COX10: variants seen among roughly 807,000 people sequenced by gnomAD.
COX10 encodes cytochrome c oxidase assembly factor heme A:farnesyltransferase COX10.
In COX10, 27 loss-of-function variants were observed where a neutral mutation model predicts 37.3. That is an observed-to-expected ratio of 0.72 (90% confidence interval 0.53 to 1.00). COX10 has a LOEUF of 1.00. COX10 is among the 50% of genes least tolerant of loss of function. The pLI, the probability that COX10 is intolerant of heterozygous loss-of-function variation, is 0.00. For synonymous variants in COX10, 222 were observed against 229.1 expected (o/e 0.97, Z 0.28); for missense variants, 475 against 563.2 (o/e 0.84, Z 1.59).
intron 1 of COX10, among the ~76,000 whole-genome samples, chr17:14,069,936 A>G (rs889961536): frequency 5.9e-5 from 9 of 152,062 alleles, no homozygotes; most frequent in Non-Finnish European, 8.8e-5. Flanking sequence ...TGGAAGCTGG[A>G]GGAGAGGGCA....
At chr17:14,168,186 G>A (rs1028697599) in intron 5 of COX10, among the ~76,000 whole-genome samples, 1 of 152,212 alleles carries the variant, frequency 6.6e-6, no homozygotes, top group Non-Finnish European at 1.5e-5. Flanking sequence ...ACCCAAAAGG[G>A]CCATCATTAA....
intron 4 of COX10, among the ~76,000 whole-genome samples, chr17:14,158,733 T>C (rs1212872719): frequency 6.6e-6 from 1 of 152,140 alleles, no homozygotes; most frequent in East Asian, 1.9e-4. Flanking sequence ...TCTCAGAGAT[T>C]TTATTGTGCT....
chr17:14,071,475 G>A (rs1915020577), intron 1 of COX10, among the ~76,000 whole-genome samples: 1 of 152,206 alleles, frequency 6.6e-6, no homozygotes, highest in Admixed American at 6.5e-5. Flanking sequence ...TGATGGGGAA[G>A]CAGCATGGTG....
chr17:14,111,740 T>C (rs1180301456), intron 4 of COX10, among the ~76,000 whole-genome samples: 2 of 152,148 alleles, frequency 1.3e-5, no homozygotes, highest in African/African-American at 4.8e-5. Context: ...GAAAATGCCA[T>C]TGTGTCATAT....
At chr17:14,073,325 T>A (rs531302857) in intron 1 of COX10, among the ~76,000 whole-genome samples, 1 of 152,336 alleles carries the variant, frequency 6.6e-6, no homozygotes, top group African/African-American at 2.4e-5. Flanking sequence ...ACTTGATGAT[T>A]GTTAATTGAT....
intron 3 of COX10, among the ~76,000 whole-genome samples, chr17:14,084,150 A>G (rs916038791): frequency 8.5e-5 from 13 of 152,174 alleles, no homozygotes; most frequent in African/African-American, 3.1e-4. Context: ...AAGTCAACTT[A>G]CTGTAATCTT....
Position 14,140,016 on chromosome 17 carries a change from C to T in COX10, c.625-19861C>T, listed in dbSNP as rs573598743. ...AATTGCCATCTTTACAAGGAACTTT[C>T]TTCCTCAAACTAACCTTCAAAAGAG... is the stretch of plus-strand genomic sequence containing the variant. On this transcript the variant is annotated intron_variant, in intron 4 of 6. Transcript: ENST00000261643. Among the ~76,000 whole-genome samples the T allele has an allele frequency of 8.5e-5, 13 of 152,230 alleles. No homozygotes were observed. In the South Asian group the frequency reaches 2.7e-3, roughly 32 times the overall value.
At chr17:14,166,772 T>TG (rs1205809947) in intron 5 of COX10, among the ~76,000 whole-genome samples, 1 of 147,218 alleles carries the variant, frequency 6.8e-6, no homozygotes, top group Non-Finnish European at 1.5e-5. Flanking sequence ...CCACCACGCC[T>TG]GGCTATTTCT....
At chr17:14,186,669 G>A (rs1398973563) in intron 5 of COX10, among the ~76,000 whole-genome samples, 1 of 151,708 alleles carries the variant, frequency 6.6e-6, no homozygotes, top group African/African-American at 2.4e-5. Context: ...AGGGAATGCA[G>A]TATTAGGCTA....
At position 14,108,986 on chromosome 17, in the gene COX10, G is replaced by A. The variant is rs558883923; in HGVS notation, c.624+6744G>A. Reference sequence around the variant, plus strand: ...ACTTATGTTAGTGAATACCAGTGATGTGATTTATTGAACATCATACATATA... The same window carrying A: ...ACTTATGTTAGTGAATACCAGTGATATGATTTATTGAACATCATACATATA... On this transcript the variant is annotated intron_variant, in intron 4 of 6. Transcript: ENST00000261643. Among the ~76,000 whole-genome samples the A allele has an allele frequency of 8.7e-4, 133 of 152,130 alleles. 1 individual carries two copies. The highest frequency in any genetic ancestry group is 3.1e-3 in the African/African-American group (127 of 41,544).
At position 14,107,520 on chromosome 17, in the gene COX10, C is replaced by CT. The variant is rs796885280; in HGVS notation, c.624+5289dup. On this transcript the variant is annotated intron_variant, in intron 4 of 6. Coordinates refer to ENST00000261643, the MANE Select transcript of COX10 (RefSeq NM_001303.4). ...ATCAAAACAAATCTCCTCTTTGGTT[C>CT]TTTTTTTTTTTCTTTCTTTCTTTTT... Among the ~76,000 whole-genome samples, 107 of 146,418 alleles carry CT rather than the reference C, an allele frequency of 7.3e-4. No individual in the cohort carries two copies. The East Asian group carries it at 0.012, about 17-fold the overall frequency.
At chr17:14,102,007 TTAATA>T (rs1321118798) in intron 3 of COX10, 106 bp from the exon 4 acceptor site, 5 of 1,339,778 alleles carry the variant, frequency 3.7e-6, no homozygotes, top group African/African-American at 1.4e-5. Flanking sequence ...CTTTGTGTTA[TTAATA>T]TAATCAATTA....
chr17:14,114,166 A>G (rs368674806), intron 4 of COX10, among the ~76,000 whole-genome samples: 4 of 152,178 alleles, frequency 2.6e-5, no homozygotes, highest in East Asian at 3.9e-4. Flanking sequence ...CCTTTCCCTC[A>G]GTTATCCCAT....
chr17:14,165,218 A>G (rs1905252997), intron 5 of COX10, among the ~76,000 whole-genome samples: 1 of 152,150 alleles, frequency 6.6e-6, no homozygotes, highest in Non-Finnish European at 1.5e-5. Context: ...ATTTTATTGC[A>G]CTTTGCTTTA....
intron 4 of COX10, among the ~76,000 whole-genome samples, chr17:14,116,654 T>TAC (rs71352451): frequency 0.43 from 65,276 of 150,204 alleles, 15,013 homozygotes; most frequent in Admixed American, 0.54. Context: ...TGCATGCATG[T>TAC]ACACACACAC....
At chr17:14,130,574 C>T (rs752101741) in intron 4 of COX10, among the ~76,000 whole-genome samples, 2 of 152,044 alleles carry the variant, frequency 1.3e-5, no homozygotes, top group Admixed American at 1.3e-4. Flanking sequence ...AGGCCTGTAC[C>T]ATCTACCCTT....
intron 5 of COX10, among the ~76,000 whole-genome samples, chr17:14,160,279 A>C (rs564891503): frequency 6.6e-6 from 1 of 152,320 alleles, no homozygotes; most frequent in South Asian, 2.1e-4. Flanking sequence ...TCTTCAGACA[A>C]ATCCATCTAG....
At chr17:14,159,999 G>C (rs770820715) in intron 5 of COX10, 52 bp downstream of exon 5, 30 of 1,492,154 alleles carry the variant, frequency 2.0e-5, no homozygotes, top group South Asian at 2.3e-5. Context: ...TCATTTGCTT[G>C]TTCATCTGAA....
At chr17:14,163,236 AATTT>A (rs56320518) in intron 5 of COX10, among the ~76,000 whole-genome samples, 47,277 of 146,468 alleles carry the variant, frequency 0.32, 7,695 homozygotes, top group Admixed American at 0.38. Context: ...AAGACAGGAA[AATTT>A]ATTTATTTAT....
Sources: allele counts gnomAD v4.1 joint callset (sites outside exome capture counted in the v4.1 genomes callset), GRCh38; gene constraint gnomAD v4.1.1; transcripts MANE v1.5; gene names NCBI Gene and HGNC (gene_info 2026-07-23, HGNC 2026-07-21).